Variants in EPB41L5 observed in about 807,000 individuals in gnomAD.
EPB41L5 encodes the protein band 4.1-like protein 5.
Under a neutral mutation model 106.6 loss-of-function variants are expected in EPB41L5, and 55 were observed. That is an observed-to-expected ratio of 0.52 (90% CI 0.42 to 0.65). The LOEUF (loss-of-function observed/expected upper bound fraction) is 0.65. EPB41L5 is among the 30% of genes least tolerant of loss of function. EPB41L5 has a pLI of 0.00. For missense variants in EPB41L5, 871 were observed against 882.1 expected (o/e 0.99, Z 0.16); for synonymous variants, 297 against 306.7 (o/e 0.97, Z 0.33).
At chr2:120,172,986 G>T (rs1687751189) in intron 24 of EPB41L5, among the ~76,000 whole-genome samples, 1 of 152,096 alleles carries the variant, frequency 6.6e-6, no homozygotes, top group Non-Finnish European at 1.5e-5. Context: ...AGAAGTACTC[G>T]GGAGGCTGAG....
chr2:120,061,134 G>T (rs1260987411), intron 3 of EPB41L5, among the ~76,000 whole-genome samples: 2 of 141,558 alleles, frequency 1.4e-5, no homozygotes, highest in African/African-American at 5.2e-5. Context: ...TCTGCCTTCC[G>T]GGTTCAAGCA....
chr2:120,111,643 C>G (rs1022406879), intron 16 of EPB41L5, among the ~76,000 whole-genome samples: 1 of 152,202 alleles, frequency 6.6e-6, no homozygotes, highest in East Asian at 1.9e-4. Flanking sequence ...CTGCTTGTTA[C>G]CATCTTTACT....
chr2:120,041,814 A>G (rs1198532902), intron 2 of EPB41L5, among the ~76,000 whole-genome samples, 192 bp from the exon 3 acceptor site: 1 of 152,176 alleles, frequency 6.6e-6, no homozygotes, highest in East Asian at 1.9e-4. Flanking sequence ...ATAAATCGCA[A>G]ATTTGTTTTT....
intron 3 of EPB41L5, among the ~76,000 whole-genome samples, chr2:120,049,434 T>C (rs1680062002): frequency 6.6e-6 from 1 of 152,334 alleles, no homozygotes. Context: ...CTTTGTCTCT[T>C]TTGATCTTTG....
intron 2 of EPB41L5, among the ~76,000 whole-genome samples, chr2:120,037,464 A>C (rs994809582): frequency 1.3e-5 from 2 of 152,206 alleles, no homozygotes; most frequent in African/African-American, 4.8e-5. Context: ...AAAGAAGAAG[A>C]AAGTTAGAGG....
At chr2:120,049,661 A>G (rs544780192) in intron 3 of EPB41L5, among the ~76,000 whole-genome samples, 1 of 152,274 alleles carries the variant, frequency 6.6e-6, no homozygotes, top group South Asian at 2.1e-4. Context: ...TAGCCCATTT[A>G]CGTTTAAGGT....
intron 20 of EPB41L5, among the ~76,000 whole-genome samples, chr2:120,149,929 C>G (rs182153398): frequency 4.3e-4 from 58 of 134,706 alleles, no homozygotes; most frequent in Admixed American, 3.2e-3. Context: ...GGGTCTTGCT[C>G]TGTCACCCAG....
intron 23 of EPB41L5, 134 bp from the exon 24 acceptor site, chr2:120,167,738 AAAAAC>A (rs1394688058): frequency 8.3e-7 from 1 of 1,199,876 alleles, no homozygotes; most frequent in Non-Finnish European, 1.2e-6. Flanking sequence ...AATAGTTAAG[AAAAAC>A]AAAACAAACA....
At chr2:120,067,522 A>G (rs1681526771) in intron 3 of EPB41L5, among the ~76,000 whole-genome samples, 1 of 152,230 alleles carries the variant, frequency 6.6e-6, no homozygotes. Flanking sequence ...GGAATTAATA[A>G]TGAGAAGTGA....
chr2:120,107,616 T>C (rs1406694265), intron 16 of EPB41L5, among the ~76,000 whole-genome samples: 2 of 152,150 alleles, frequency 1.3e-5, no homozygotes, highest in Non-Finnish European at 2.9e-5. Flanking sequence ...CCTACCCCCA[T>C]GTATAAAATG....
intron 24 of EPB41L5, among the ~76,000 whole-genome samples, chr2:120,168,956 T>G (rs955933369): frequency 6.6e-6 from 1 of 152,174 alleles, no homozygotes; most frequent in African/African-American, 2.4e-5. Context: ...CTAATAATGA[T>G]CACTGTAAAA....
intron 10 of EPB41L5, among the ~76,000 whole-genome samples, chr2:120,082,694 T>G (rs554336981): frequency 6.6e-6 from 1 of 152,334 alleles, no homozygotes; most frequent in South Asian, 2.1e-4. Context: ...CAGCTCCTCC[T>G]TGTACCTCTG....
At chr2:120,167,388 G>A in intron 22 of EPB41L5, 78 bp from the exon 23 acceptor site, 1 of 1,217,154 alleles carries the variant, frequency 8.2e-7, no homozygotes, top group Non-Finnish European at 1.2e-6. Context: ...TTTCATAATA[G>A]ATGTAAGTAA....
intron 14 of EPB41L5, 44 bp downstream of exon 14, chr2:120,093,320 A>T: frequency 1.3e-6 from 2 of 1,542,118 alleles, no homozygotes; most frequent in Non-Finnish European, 1.8e-6. Context: ...AGAATTTGGG[A>T]TTTATGTAGT....
intron 20 of EPB41L5, among the ~76,000 whole-genome samples, chr2:120,158,959 A>G (rs1687017840): frequency 6.6e-6 from 1 of 152,192 alleles, no homozygotes. Flanking sequence ...TCAAGCTGAG[A>G]GCCAAATCAG....
At chr2:120,052,248 A>G (rs771483614) in intron 3 of EPB41L5, among the ~76,000 whole-genome samples, 10 of 152,144 alleles carry the variant, frequency 6.6e-5, no homozygotes, top group Non-Finnish European at 1.0e-4. Context: ...GTTATTTTGT[A>G]TATCGTCCCT....
chr2:120,106,771 C>T, intron 16 of EPB41L5: 1 of 985,378 alleles, frequency 1.0e-6, no homozygotes, highest in African/African-American at 1.7e-5. Flanking sequence ...TAAATGAGCT[C>T]ATAAGATCAT....
intron 1 of EPB41L5, among the ~76,000 whole-genome samples, chr2:120,014,828 A>T (rs1394463466): frequency 6.6e-6 from 1 of 152,156 alleles, no homozygotes; most frequent in Non-Finnish European, 1.5e-5. Flanking sequence ...AGCTGCATCT[A>T]GGACCAGGGC....
intron 20 of EPB41L5, among the ~76,000 whole-genome samples, chr2:120,156,950 TC>T (rs895997471): frequency 2.0e-5 from 3 of 152,140 alleles, no homozygotes; most frequent in African/African-American, 7.2e-5. Context: ...CTAATAGACA[TC>T]TACAGAACTC....
Sources: gnomAD v4.1 joint callset for allele counts (sites outside exome capture counted in the v4.1 genomes callset) on GRCh38, gnomAD v4.1.1 for gene constraint, MANE v1.5 for transcripts, NCBI Gene and HGNC (gene_info 2026-07-23, HGNC 2026-07-21) for gene names.